ZBTB20: variants seen among roughly 807,000 people sequenced by gnomAD.
The protein encoded by ZBTB20 is zinc finger and BTB domain containing 20.
In ZBTB20, 9 loss-of-function variants were observed where a neutral mutation model predicts 56.9. The observed-to-expected ratio is 0.16, with a 90% confidence interval of 0.10 to 0.28. The LOEUF (loss-of-function observed/expected upper bound fraction) is 0.28, where lower values mean the gene tolerates loss of function less well. ZBTB20 is among the 10% of genes least tolerant of loss of function. ZBTB20 has a pLI of 1.00. For missense variants in ZBTB20, 655 were observed against 1,003.0 expected (o/e 0.65, Z 4.69); for synonymous variants, 417 against 420.7 (o/e 0.99, Z 0.11).
chr3:114,441,685 G>A (rs565403927), intron 7 of ZBTB20, among the ~76,000 whole-genome samples: 5 of 152,132 alleles, frequency 3.3e-5, no homozygotes, highest in African/African-American at 9.6e-5. Flanking sequence ...CCACTTACAC[G>A]GCAACTGCTT....
intron 6 of ZBTB20, among the ~76,000 whole-genome samples, chr3:114,523,655 G>A (rs73224506): frequency 0.013 from 1,969 of 152,250 alleles, 30 homozygotes; most frequent in Non-Finnish European, 0.02. Flanking sequence ...ATAGTTGCAG[G>A]AGAGAAGGCA....
chr3:115,088,593 ATAT>A lies in ZBTB20; in HGVS notation c.-702-17182_-702-17180del, dbSNP rs371855838. Among the ~76,000 whole-genome samples the A allele has an allele frequency of 1.6e-4, 25 of 152,030 alleles. No homozygotes were observed. In the East Asian group the frequency reaches 3.3e-3, roughly 20 times the overall value. On this transcript the variant is annotated intron_variant, in intron 1 of 11. Transcript: ENST00000675478. Reference sequence around the variant, plus strand: ...ATTTTACTGCATATCAATAATTTGCATATTATTAAATATTTAAAAAATATAAAA... The same window carrying A: ...ATTTTACTGCATATCAATAATTTGCATATTAAATATTTAAAAAATATAAAA...
chr3:114,622,113 G>C (rs2058362436), intron 6 of ZBTB20, among the ~76,000 whole-genome samples: 1 of 152,052 alleles, frequency 6.6e-6, no homozygotes, highest in Non-Finnish European at 1.5e-5. Flanking sequence ...CAAAGTGTTA[G>C]AGATCTAGCT....
At chr3:114,568,739 C>T (rs1577631327) in intron 6 of ZBTB20, among the ~76,000 whole-genome samples, 1 of 152,300 alleles carries the variant, frequency 6.6e-6, no homozygotes, top group African/African-American at 2.4e-5. Context: ...GTTAACAGGA[C>T]ATGAATGACC....
At chr3:114,386,387 GC>G (rs1430476117) in intron 8 of ZBTB20, among the ~76,000 whole-genome samples, 1 of 152,004 alleles carries the variant, frequency 6.6e-6, no homozygotes, top group Non-Finnish European at 1.5e-5. Context: ...AAAGTTTTTA[GC>G]TAAAGAGGAT....
At chr3:114,574,808 T>C (rs1406751199) in intron 6 of ZBTB20, among the ~76,000 whole-genome samples, 2 of 152,240 alleles carry the variant, frequency 1.3e-5, no homozygotes, top group Non-Finnish European at 1.5e-5. Flanking sequence ...CTCCTGGTTA[T>C]TTATCTATCA....
At chr3:114,936,135 A>C (rs260187) in intron 3 of ZBTB20, among the ~76,000 whole-genome samples, 2 of 152,284 alleles carry the variant, frequency 1.3e-5, no homozygotes, top group Admixed American at 1.3e-4. Context: ...AAACACAATA[A>C]TGGAGGAAAT....
intron 6 of ZBTB20, among the ~76,000 whole-genome samples, chr3:114,634,402 G>T (rs1309167410): frequency 6.6e-6 from 1 of 152,132 alleles, no homozygotes; most frequent in Non-Finnish European, 1.5e-5. Flanking sequence ...CCATAGGCAT[G>T]TTAGAAATGC....
chr3:114,417,315 ACT>A (rs1429724434), intron 7 of ZBTB20, among the ~76,000 whole-genome samples: 2 of 152,026 alleles, frequency 1.3e-5, no homozygotes, highest in Non-Finnish European at 2.9e-5. Context: ...CACAGAAAAC[ACT>A]CATGTGGACT....
At chr3:114,846,878 T>A (rs867897201) in intron 4 of ZBTB20, among the ~76,000 whole-genome samples, 1 of 152,182 alleles carries the variant, frequency 6.6e-6, no homozygotes, top group African/African-American at 2.4e-5. Context: ...CATTACACAC[T>A]GTTGAGGCAT....
intron 4 of ZBTB20, among the ~76,000 whole-genome samples, chr3:114,845,161 T>C (rs2074627988): frequency 6.6e-6 from 1 of 151,882 alleles, no homozygotes; most frequent in Non-Finnish European, 1.5e-5. Flanking sequence ...GAGTTACTTA[T>C]CTTTTCACTG....
chr3:114,913,612 C>T (rs1488881747), intron 3 of ZBTB20, among the ~76,000 whole-genome samples: 1 of 150,708 alleles, frequency 6.6e-6, no homozygotes, highest in African/African-American at 2.4e-5. Flanking sequence ...TCCATTTTTG[C>T]TTTGGTTGCT....
chr3:114,933,934 G>T (rs2076443045), intron 3 of ZBTB20, among the ~76,000 whole-genome samples: 1 of 152,110 alleles, frequency 6.6e-6, no homozygotes. Flanking sequence ...AAGGTCATCA[G>T]ATCAATTTTT....
At chr3:114,720,185 A>G (rs941241276) in intron 5 of ZBTB20, among the ~76,000 whole-genome samples, 5 of 149,424 alleles carry the variant, frequency 3.3e-5, no homozygotes, top group Non-Finnish European at 7.4e-5. Flanking sequence ...TTTCTTATAC[A>G]TCTAGTACAT....
At chr3:115,076,552 C>T (rs976648137) in intron 1 of ZBTB20, among the ~76,000 whole-genome samples, 2 of 151,880 alleles carry the variant, frequency 1.3e-5, no homozygotes, top group African/African-American at 4.8e-5. Context: ...AACTCAACAT[C>T]GATTAAAGAC....
rs190286980 is a variant in ZBTB20 at position 114,696,252 on chromosome 3, T to A, written c.-342-2677A>T. Among the ~76,000 whole-genome samples, 1,244 of 152,176 alleles carry A rather than the reference T, an allele frequency of 8.2e-3. 9 individuals carry two copies. Among genetic ancestry groups the A allele is most frequent in the Non-Finnish European group, 8.5e-3 (575 of 67,986 alleles). Reference sequence around the variant, plus strand: ...GACAGTGTTAAACAAATTCATAACTTTAGTAAAATTAAATGAACCAATTTC... The same window carrying A: ...GACAGTGTTAAACAAATTCATAACTATAGTAAAATTAAATGAACCAATTTC... On this transcript the variant is annotated intron_variant, in intron 5 of 11. Transcript: ENST00000675478.
intron 5 of ZBTB20, among the ~76,000 whole-genome samples, chr3:114,771,245 C>T (rs977320089): frequency 1.3e-4 from 19 of 151,926 alleles, no homozygotes; most frequent in Non-Finnish European, 1.0e-4. Context: ...ACCCAAAATG[C>T]TTCATGAATA....
intron 11 of ZBTB20, among the ~76,000 whole-genome samples, chr3:114,340,297 C>T (rs1271948607): frequency 6.6e-6 from 1 of 151,918 alleles, no homozygotes; most frequent in Non-Finnish European, 1.5e-5. Context: ...TATGAAATCA[C>T]TTTGCAGACC....
rs545832394 is a variant in ZBTB20, at chr3:114,328,997, A to G, written c.*10008T>C. On this transcript the variant is annotated 3_prime_UTR_variant, in exon 12 of 12. Transcript: ENST00000675478. The stretch of plus-strand genomic sequence containing the variant: ...CAATTCACAATTATGTTTGTCTAGT[A>G]GAAATATATCTGCTGGAACACTTTG... The G allele has an allele frequency of 1.3e-5, 2 of 152,338 alleles. No individual in the cohort carries two copies. Among genetic ancestry groups the G allele is most frequent in the African/African-American group, 4.8e-5 (2 of 41,590 alleles). The allele number at this position is 152,338 out of a possible 1,614,324, so 9.4% of individuals were successfully genotyped here. A position where few individuals can be genotyped will look rare whatever the true frequency, so the allele number is the denominator to read the frequency against.
Sources: gnomAD v4.1 joint callset for allele counts (sites outside exome capture counted in the v4.1 genomes callset) on GRCh38, gnomAD v4.1.1 for gene constraint, MANE v1.5 for transcripts, NCBI Gene and HGNC (gene_info 2026-07-23, HGNC 2026-07-21) for gene names.